The following ARHGAP24 variants were observed in gnomAD, a reference collection of about 807,000 sequenced individuals.
ARHGAP24 encodes the protein Rho GTPase activating protein 24, also known as rho GTPase-activating protein 24.
ARHGAP24 carries 50 observed loss-of-function variants against 76.4 expected under a neutral mutation model. That is an observed-to-expected ratio of 0.65 (90% CI 0.52 to 0.83). The LOEUF (loss-of-function observed/expected upper bound fraction) is 0.83. Among genes scored for constraint, ARHGAP24 ranks in the 40% least tolerant of loss-of-function variants. The pLI is 0.00. For missense variants in ARHGAP24, 930 were observed against 914.2 expected (o/e 1.02, Z -0.22); for synonymous variants, 345 against 323.3 (o/e 1.07, Z -0.72).
intron 2 of ARHGAP24, among the ~76,000 whole-genome samples, chr4:85,590,106 T>C (rs1728022580): frequency 6.6e-6 from 1 of 152,178 alleles, no homozygotes; most frequent in Non-Finnish European, 1.5e-5. Flanking sequence ...TAGCAAATGA[T>C]TGTTTAATGT....
chr4:85,717,238 T>C (rs886700040), intron 2 of ARHGAP24, among the ~76,000 whole-genome samples: 1 of 152,080 alleles, frequency 6.6e-6, no homozygotes, highest in African/African-American at 2.4e-5. Context: ...CATCTTTTAC[T>C]CTTCCTTCTT....
At chr4:85,827,517 T>TGTGTGTGTGTGTA (rs1553933033) in intron 3 of ARHGAP24, among the ~76,000 whole-genome samples, 1 of 126,210 alleles carries the variant, frequency 7.9e-6, no homozygotes. Context: ...TGTGTGTGTG[T>TGTGTGTGTGTGTA]TTAGAGAGAG....
intron 2 of ARHGAP24, among the ~76,000 whole-genome samples, chr4:85,602,014 A>G (rs1341955994): frequency 7.2e-6 from 1 of 139,794 alleles, no homozygotes; most frequent in Non-Finnish European, 1.5e-5. Flanking sequence ...GACAGAGAGC[A>G]GAGATTAGTG....
At chr4:85,669,644 A>AATATATATATAT (rs58332235) in intron 2 of ARHGAP24, among the ~76,000 whole-genome samples, 2 of 93,216 alleles carry the variant, frequency 2.1e-5, no homozygotes, top group Non-Finnish European at 2.2e-5. Context: ...TGTACTTTCA[A>AATATATATATAT]ATATATATAT....
chr4:85,808,643 G>A (rs1043610187), intron 3 of ARHGAP24, among the ~76,000 whole-genome samples: 5 of 152,144 alleles, frequency 3.3e-5, no homozygotes, highest in African/African-American at 1.2e-4. Context: ...TAGAGAGAAG[G>A]AAGATCAAGA....
intron 2 of ARHGAP24, among the ~76,000 whole-genome samples, chr4:85,658,006 C>T (rs1277127442): frequency 1.3e-5 from 2 of 152,204 alleles, no homozygotes; most frequent in African/African-American, 2.4e-5. Flanking sequence ...CTGCCCCCCT[C>T]GGCTTCCCAA....
chr4:85,549,169 G>A (rs962688832), intron 1 of ARHGAP24, among the ~76,000 whole-genome samples: 3 of 149,564 alleles, frequency 2.0e-5, no homozygotes, highest in Non-Finnish European at 3.0e-5. Flanking sequence ...TTGGTTGAAC[G>A]TCTGAATTGG....
At chr4:85,783,684 G>A (rs1727668171) in intron 3 of ARHGAP24, among the ~76,000 whole-genome samples, 2 of 152,122 alleles carry the variant, frequency 1.3e-5, no homozygotes, top group African/African-American at 4.8e-5. Flanking sequence ...GGGAGTGGAA[G>A]GGTTCTCATA....
intron 1 of ARHGAP24, among the ~76,000 whole-genome samples, chr4:85,493,124 C>A (rs1723423342): frequency 6.6e-6 from 1 of 152,194 alleles, no homozygotes; most frequent in Non-Finnish European, 1.5e-5. Context: ...TGCATCATAT[C>A]AGGAAGCGCA....
At chr4:85,670,965 A>G (rs1722796108) in intron 2 of ARHGAP24, among the ~76,000 whole-genome samples, 1 of 152,174 alleles carries the variant, frequency 6.6e-6, no homozygotes, top group South Asian at 2.1e-4. Flanking sequence ...TTGGGGCCCA[A>G]GTGTGTGTTT....
At chr4:85,814,222 T>G (rs1315098158) in intron 3 of ARHGAP24, among the ~76,000 whole-genome samples, 1 of 152,046 alleles carries the variant, frequency 6.6e-6, no homozygotes, top group Admixed American at 6.6e-5. Context: ...ACCATATCAT[T>G]CCACCCATTA....
At chr4:85,885,093 A>G (rs934872338) in intron 3 of ARHGAP24, among the ~76,000 whole-genome samples, 6 of 152,178 alleles carry the variant, frequency 3.9e-5, no homozygotes, top group Admixed American at 3.9e-4. Context: ...TCCTTTCTTC[A>G]GTGTTTAGAT....
chr4:85,488,279 G>A (rs967191794), intron 1 of ARHGAP24, among the ~76,000 whole-genome samples: 2 of 152,000 alleles, frequency 1.3e-5, no homozygotes, highest in Non-Finnish European at 2.9e-5. Context: ...GAAAAGGGAG[G>A]TGTAATTTAA....
intron 3 of ARHGAP24, among the ~76,000 whole-genome samples, chr4:85,775,468 G>A (rs1727278808): frequency 6.6e-6 from 1 of 152,162 alleles, no homozygotes; most frequent in Admixed American, 6.5e-5. Context: ...CATCTTACAT[G>A]GCAGCAGGCA....
At chr4:85,818,200 C>G (rs1350041929) in intron 3 of ARHGAP24, among the ~76,000 whole-genome samples, 1 of 152,066 alleles carries the variant, frequency 6.6e-6, no homozygotes, top group Non-Finnish European at 1.5e-5. Flanking sequence ...TAAGGGAACC[C>G]CCAGGTGAGT....
At chr4:85,945,820 T>A (rs918464226) in intron 5 of ARHGAP24, among the ~76,000 whole-genome samples, 2 of 151,928 alleles carry the variant, frequency 1.3e-5, no homozygotes, top group Admixed American at 1.3e-4. Flanking sequence ...ACTAGAGACC[T>A]TAATATTTAA....
intron 2 of ARHGAP24, among the ~76,000 whole-genome samples, chr4:85,612,791 C>CCTTT (rs1720436302): frequency 2.4e-5 from 2 of 82,342 alleles, no homozygotes; most frequent in African/African-American, 9.1e-5. Flanking sequence ...CCTTTCCATT[C>CCTTT]CTTTTTTTTT....
intron 4 of ARHGAP24, among the ~76,000 whole-genome samples, chr4:85,937,525 G>A (rs931248783): frequency 1.3e-5 from 2 of 152,180 alleles, no homozygotes; most frequent in Non-Finnish European, 2.9e-5. Flanking sequence ...GTGGAGTCTA[G>A]TAGAGTAACT....
At chr4:85,668,228 C>T (rs1722708468) in intron 2 of ARHGAP24, among the ~76,000 whole-genome samples, 1 of 152,202 alleles carries the variant, frequency 6.6e-6, no homozygotes, top group Non-Finnish European at 1.5e-5. Context: ...TATGTTCATA[C>T]ACTTTCAGCA....
Sources: gnomAD v4.1 joint callset for allele counts (sites outside exome capture counted in the v4.1 genomes callset) on GRCh38, gnomAD v4.1.1 for gene constraint, MANE v1.5 for transcripts, NCBI Gene and HGNC (gene_info 2026-07-23, HGNC 2026-07-21) for gene names.